ZNF26: variants seen among roughly 807,000 people sequenced by gnomAD.
ZNF26 encodes epididymis luminal protein 179.
In ZNF26, 32 loss-of-function variants were observed where a neutral mutation model predicts 54.9. The ratio of observed to expected loss-of-function variants is 0.58; its 90% CI spans 0.44 to 0.78. The LOEUF is 0.78. Among genes scored for constraint, ZNF26 ranks in the 30% least tolerant of loss-of-function variants. The pLI is 0.00. For missense variants in ZNF26, 524 were observed against 634.0 expected, an observed-to-expected ratio of 0.83 and a Z score of 1.86; for synonymous variants, 221 against 209.2, an observed-to-expected ratio of 1.06 and a Z score of -0.49.
chr12:133,015,884 A>G lies in ZNF26; in HGVS notation c.*4403A>G, dbSNP rs1189137351. On this transcript the variant is annotated 3_prime_UTR_variant, in exon 4 of 4. Transcript: ENST00000328654. ...GCTTCAAGCAGACGTTTATTTAGAAATTCATGCTGCATGTTTATTGATGGA... is the reference window on the plus strand; with the variant it reads ...GCTTCAAGCAGACGTTTATTTAGAAGTTCATGCTGCATGTTTATTGATGGA... The G allele has an allele frequency of 6.6e-6, 1 of 152,174 alleles. No homozygotes were observed. The highest frequency in any genetic ancestry group is 1.5e-5 in the Non-Finnish European group (1 of 68,028). The allele number at this position is 152,174 out of a possible 1,614,324, so 9.4% of individuals were successfully genotyped here. A position where few individuals can be genotyped will look rare whatever the true frequency, so the allele number is the denominator to read the frequency against.
In ZNF26 at chr12:133,025,091, G is replaced by A. The variant is rs1221274689; in HGVS notation, c.*13610G>A. 1 of 152,218 alleles carries A rather than the reference G, an allele frequency of 6.6e-6. No homozygotes were observed. Among genetic ancestry groups the A allele is most frequent in the African/African-American group, 2.4e-5 (1 of 41,440 alleles). The allele number at this position is 152,218 out of a possible 1,614,324, so 9.4% of individuals were successfully genotyped here. A position where few individuals can be genotyped will look rare whatever the true frequency, so the allele number is the denominator to read the frequency against. The stretch of plus-strand genomic sequence containing the variant: ...GAGGGTAGAGCAAAGAGCCATGGAG[G>A]AGAAGTCCAAGAAAGCAGAACCAAA... On this transcript the variant is annotated 3_prime_UTR_variant, in exon 4 of 4. Transcript: ENST00000328654.
rs1555286595 is a variant in ZNF26, at chr12:133,015,367, A to AAAG, written c.*3888_*3889insGAA. 6.9e-6 allele frequency: 1 copy of AAAG among 144,512 alleles called. No individual in the cohort carries two copies. Among genetic ancestry groups the AAAG allele is most frequent in the South Asian group, 2.1e-4 (1 of 4,796 alleles). The allele number at this position is 144,512 out of a possible 1,614,324, so 9.0% of individuals were successfully genotyped here. Reference sequence around the variant, plus strand: ...AGACTCTGTCTCAAAAAAAAAAAAAAAAAGAAAAGAAAATGACAAACACAT... The same window carrying AAAG: ...AGACTCTGTCTCAAAAAAAAAAAAAAAAGAAAGAAAAGAAAATGACAAACACAT... On this transcript the variant is annotated 3_prime_UTR_variant, in exon 4 of 4. Transcript: ENST00000328654.
At chr12:132,993,913 C>G (rs1465114503) in intron 1 of ZNF26, among the ~76,000 whole-genome samples, 1 of 152,162 alleles carries the variant, frequency 6.6e-6, no homozygotes, top group Non-Finnish European at 1.5e-5. Context: ...CTGATTAGGT[C>G]TGTCTCTTTG....
chr12:133,010,099 T>C (rs1953435878), intron 3 of ZNF26, 37 bp from the exon 4 acceptor site: 2 of 1,555,248 alleles, frequency 1.3e-6, no homozygotes, highest in Non-Finnish European at 1.7e-6. Context: ...GTTTATGTTA[T>C]GATTCAAAAA....
Position 133,008,793 on chromosome 12 carries a change from AAAG to A in ZNF26, c.256+1264_256+1266del, listed in dbSNP as rs1199911938. 2.0e-5 allele frequency among the ~76,000 whole-genome samples: 3 copies of A among 151,856 alleles called. No individual in the cohort carries two copies. In the East Asian group the frequency reaches 5.8e-4, roughly 29 times the overall value. Reference sequence around the variant, plus strand: ...TCCATCTCAAAAAAAAAAAAAAAAAAAAGAAAAACACCTGAGACTAAATTTATA... The same window carrying A: ...TCCATCTCAAAAAAAAAAAAAAAAAAAAAAACACCTGAGACTAAATTTATA... On this transcript the variant is annotated intron_variant, in intron 3 of 3. Coordinates refer to ENST00000328654, the MANE Select transcript of ZNF26 (RefSeq NM_019591.4).
intron 1 of ZNF26, among the ~76,000 whole-genome samples, chr12:132,996,621 A>G (rs1593644107): frequency 6.6e-6 from 1 of 152,252 alleles, no homozygotes; most frequent in African/African-American, 2.4e-5. Flanking sequence ...GAAAATTAAT[A>G]TCTTTGCCAT....
chr12:133,023,076 T>G lies in ZNF26; in HGVS notation c.*11595T>G, dbSNP rs1473579665. The G allele has an allele frequency of 2.6e-5, 4 of 152,342 alleles. No individual in the cohort carries two copies. Among genetic ancestry groups the G allele is most frequent in the Non-Finnish European group, 5.9e-5 (4 of 68,034 alleles). 9.4% of individuals were successfully genotyped at this position (152,342 alleles called of 1,614,324 possible). ...AAAGATTCAAGAGCATTCGTGAGAA[T>G]GTACTTGTAACTAGTATTTGATGAA... On this transcript the variant is annotated 3_prime_UTR_variant, in exon 4 of 4. Transcript: ENST00000328654.
At position 133,011,790 on chromosome 12, in the gene ZNF26, A is replaced by G. The variant is rs1953480066; in HGVS notation, c.*309A>G. On this transcript the variant is annotated 3_prime_UTR_variant, in exon 4 of 4. Transcript: ENST00000328654. ...ATTAAGGAAGCATTTTCCCATTGAAAGTGTGTTCCATGGAAAGTCACATTC... is the reference window on the plus strand; with the variant it reads ...ATTAAGGAAGCATTTTCCCATTGAAGGTGTGTTCCATGGAAAGTCACATTC... 5.6e-6 allele frequency: 1 copy of G among 179,250 alleles called. No homozygotes were observed. Among genetic ancestry groups the G allele is most frequent in the African/African-American group, 2.4e-5 (1 of 42,382 alleles). The allele number at this position is 179,250 out of a possible 1,614,324, so 11.1% of individuals were successfully genotyped here. A position where few individuals can be genotyped will look rare whatever the true frequency, so the allele number is the denominator to read the frequency against.
intron 1 of ZNF26, among the ~76,000 whole-genome samples, chr12:132,989,998 A>AT (rs1952912525): frequency 2.0e-5 from 3 of 151,796 alleles, no homozygotes; most frequent in Admixed American, 6.6e-5. Context: ...ATTTTGTCAG[A>AT]TTTTTTTTCT....
In ZNF26 at chr12:133,023,856, C is replaced by T. The variant is rs1953671831; in HGVS notation, c.*12375C>T. The T allele has an allele frequency of 3.9e-5, 6 of 152,176 alleles. No individual in the cohort carries two copies. The South Asian group carries it at 1.0e-3, about 26-fold the overall frequency. 9.4% of individuals were successfully genotyped at this position (152,176 alleles called of 1,614,324 possible). ...ATCCTTCATTTGCCATGTAAGCAGT[C>T]CTTGAAGCTGCAGTACTAGGAGGAA... On this transcript the variant is annotated 3_prime_UTR_variant, in exon 4 of 4. Coordinates refer to ENST00000328654, the MANE Select transcript of ZNF26 (RefSeq NM_019591.4).
intron 1 of ZNF26, among the ~76,000 whole-genome samples, chr12:132,993,014 A>G (rs1359803225): frequency 7.0e-6 from 1 of 142,006 alleles, no homozygotes; most frequent in Non-Finnish European, 1.5e-5. Context: ...AGTGTTTTTG[A>G]TCACTAGTAT....
At chr12:132,996,728 A>AAAAAC (rs1953092640) in intron 1 of ZNF26, among the ~76,000 whole-genome samples, 2 of 152,132 alleles carry the variant, frequency 1.3e-5, no homozygotes. Flanking sequence ...CCTGCGTTTT[A>AAAAAC]AAGCTTTTTA....
In ZNF26 at chr12:133,011,335, G is replaced by A. The variant is rs1953467850; in HGVS notation, c.1456G>A (p.Glu486Lys). The A allele has an allele frequency of 1.9e-6, 3 of 1,613,964 alleles. No homozygotes were observed. Among genetic ancestry groups the A allele is most frequent in the African/African-American group, 2.7e-5 (2 of 74,922 alleles). The part of the protein sequence containing the change: ...HSGEKPFKCS[E>K]CGKAFTQKSS... ...GGGAGAGAAACCTTTTAAATGCAGT[G>A]AATGTGGAAAAGCCTTCACTCAGAA... Residue 486 changes from glutamate (E) to lysine (K), a missense_variant, in exon 4 of 4, where the codon GAA becomes AAA. Transcript: ENST00000328654.
intron 1 of ZNF26, 95 bp from the exon 2 acceptor site, chr12:133,006,947 G>T: frequency 7.1e-7 from 1 of 1,415,580 alleles, no homozygotes. Flanking sequence ...GAAATAGTTG[G>T]TAGAGGAACA....
At chr12:133,004,435 T>C (rs1593659260) in intron 1 of ZNF26, 1 of 152,236 alleles carries the variant, frequency 6.6e-6, no homozygotes, top group Non-Finnish European at 1.5e-5. Context: ...CTCACCGTTG[T>C]ATCCAGCTTC....
At chr12:132,993,310 C>T (rs902864202) in intron 1 of ZNF26, among the ~76,000 whole-genome samples, 1 of 152,022 alleles carries the variant, frequency 6.6e-6, no homozygotes, top group South Asian at 2.1e-4. Flanking sequence ...CAGGTGTGAG[C>T]CACTACGCCT....
At chr12:132,998,189 C>A (rs11147201) in intron 1 of ZNF26, among the ~76,000 whole-genome samples, 1 of 148,064 alleles carries the variant, frequency 6.8e-6, no homozygotes, top group African/African-American at 2.5e-5. Context: ...CTTTTTGAGA[C>A]GGAGTCTTGC....
chr12:133,006,266 A>G, intron 1 of ZNF26: 1 of 985,466 alleles, frequency 1.0e-6, no homozygotes, highest in Non-Finnish European at 1.2e-6. Flanking sequence ...TCCTGCAAGT[A>G]GAAGGATAAA....
rs1224663956 is a variant in ZNF26, at chr12:133,017,515, A to C, written c.*6034A>C. 2.0e-5 allele frequency: 3 copies of C among 152,326 alleles called. No individual in the cohort carries two copies. In the East Asian group the frequency reaches 5.8e-4, roughly 29 times the overall value. The allele number at this position is 152,326 out of a possible 1,614,324, so 9.4% of individuals were successfully genotyped here. ...TCAATAGGGAGTGTACACAGGTCCA[A>C]GAGCCAAGGAGTGGGAACGGGATCA... On this transcript the variant is annotated 3_prime_UTR_variant, in exon 4 of 4. Coordinates refer to ENST00000328654, the MANE Select transcript of ZNF26 (RefSeq NM_019591.4).
Sources: allele counts gnomAD v4.1 joint callset (sites outside exome capture counted in the v4.1 genomes callset), GRCh38; gene constraint gnomAD v4.1.1; transcripts MANE v1.5; gene names NCBI Gene and HGNC (gene_info 2026-07-23, HGNC 2026-07-21).